Variants in KLHL29 observed in about 807,000 individuals in gnomAD.
KLHL29 encodes the protein kelch-like protein 29.
KLHL29 carries 21 observed loss-of-function variants against 80.4 expected under a neutral mutation model. That is an observed-to-expected ratio of 0.26 (90% CI 0.19 to 0.38). The LOEUF is 0.38. Ranked by LOEUF, KLHL29 falls within the 10% of genes least tolerant of loss-of-function variation. The probability of loss-of-function intolerance (pLI) is 1.00; values close to 1 mark genes in which losing one functional copy is unlikely to be tolerated. For synonymous variants in KLHL29, 511 were observed against 526.8 expected (o/e 0.97, Z 0.41); for missense variants, 867 against 1,223.9 (o/e 0.71, Z 4.35).
chr2:23,615,773 G>A lies in KLHL29; in HGVS notation c.286-23366G>A, dbSNP rs561962689. Among the ~76,000 whole-genome samples the A allele has an allele frequency of 2.6e-5, 4 of 152,296 alleles. No individual in the cohort carries two copies. The East Asian group carries it at 5.8e-4, about 22-fold the overall frequency. ...TAGGGTCACTGCGTGGACACAGACCGTGCTGAGGATGTCAGATTAGAGTGA... is the reference window on the plus strand; with the variant it reads ...TAGGGTCACTGCGTGGACACAGACCATGCTGAGGATGTCAGATTAGAGTGA... On this transcript the variant is annotated intron_variant, in intron 3 of 13. Transcript: ENST00000486442.
chr2:23,634,400 A>G (rs1221934290), intron 3 of KLHL29, among the ~76,000 whole-genome samples: 1 of 152,158 alleles, frequency 6.6e-6, no homozygotes, highest in African/African-American at 2.4e-5. Flanking sequence ...GTCCTTTGGC[A>G]GTGACTTGGG....
intron 1 of KLHL29, among the ~76,000 whole-genome samples, chr2:23,410,073 G>A (rs1666825417): frequency 6.6e-6 from 1 of 152,188 alleles, no homozygotes; most frequent in African/African-American, 2.4e-5. Context: ...GGCGGAGAGT[G>A]GAGAATTAGG....
chr2:23,696,191 C>G lies in KLHL29; in HGVS notation c.1924+58C>G. 6.6e-7 allele frequency: 1 copy of G among 1,516,302 alleles called. No homozygotes were observed. The highest frequency in any genetic ancestry group is 8.9e-7 in the Non-Finnish European group (1 of 1,122,416). The allele number at this position is 1,516,302 out of a possible 1,614,324, so 93.9% of individuals were successfully genotyped here. A position where few individuals can be genotyped will look rare whatever the true frequency, so the allele number is the denominator to read the frequency against. On this transcript the variant is annotated intron_variant, in intron 10 of 13. Coordinates refer to ENST00000486442, the MANE Select transcript of KLHL29 (RefSeq NM_052920.2). This position sits in a 1 kb window ranked among gnomAD's most constrained non-coding sequence, Gnocchi z 5.5. ...CATGGGGGTCCCAAGGGGACTGCTC[C>G]CCACGTCAGGGCTGAGGAAGGCCAT...
chr2:23,527,261 C>T (rs985487408), intron 2 of KLHL29, among the ~76,000 whole-genome samples: 3 of 152,208 alleles, frequency 2.0e-5, no homozygotes, highest in African/African-American at 7.2e-5. Context: ...TCCTTAAATG[C>T]GACCTGCTTC....
intron 1 of KLHL29, among the ~76,000 whole-genome samples, chr2:23,418,087 G>A (rs1412463950): frequency 6.6e-6 from 1 of 152,222 alleles, no homozygotes; most frequent in African/African-American, 2.4e-5. Flanking sequence ...TAGACACGCT[G>A]TAAGTGTTTG....
At chr2:23,487,306 G>A (rs1425081605) in intron 2 of KLHL29, among the ~76,000 whole-genome samples, 1 of 152,204 alleles carries the variant, frequency 6.6e-6, no homozygotes, top group Non-Finnish European at 1.5e-5. Context: ...TTCTAGTGGT[G>A]TTTGGAGGCC....
At chr2:23,556,715 C>T (rs1283054093) in intron 2 of KLHL29, among the ~76,000 whole-genome samples, 1 of 151,978 alleles carries the variant, frequency 6.6e-6, no homozygotes, top group Non-Finnish European at 1.5e-5. Context: ...TCCTGGCCAG[C>T]ATCGGCTTTG....
In KLHL29 at chr2:23,706,868, C is replaced by T. The variant is rs776650439; in HGVS notation, c.*204C>T. ...GAAACGGAGGCACCGCGCTTGGAGC[C>T]GCAGGAACCACGATCCCGCCATGGG... On this transcript the variant is annotated 3_prime_UTR_variant, in exon 14 of 14. Transcript: ENST00000486442. 3 of 487,060 alleles carry T rather than the reference C, an allele frequency of 6.2e-6. No individual in the cohort carries two copies. Among genetic ancestry groups the T allele is most frequent in the Non-Finnish European group, 1.1e-5 (3 of 283,748 alleles). The allele number at this position is 487,060 out of a possible 1,614,324, so 30.2% of individuals were successfully genotyped here. A position where few individuals can be genotyped will look rare whatever the true frequency, so the allele number is the denominator to read the frequency against.
chr2:23,387,879 T>C (rs1052426522), intron 1 of KLHL29, among the ~76,000 whole-genome samples: 23 of 152,232 alleles, frequency 1.5e-4, no homozygotes, highest in African/African-American at 5.1e-4. Flanking sequence ...TATGGGCTGA[T>C]GCATCTAACC....
intron 2 of KLHL29, among the ~76,000 whole-genome samples, chr2:23,512,617 T>G (rs942842318): frequency 3.3e-5 from 5 of 152,256 alleles, no homozygotes; most frequent in African/African-American, 1.2e-4. Context: ...GCGAATTTAC[T>G]TCAAACAAGA....
At chr2:23,438,968 A>C (rs1663429132) in intron 1 of KLHL29, among the ~76,000 whole-genome samples, 1 of 146,242 alleles carries the variant, frequency 6.8e-6, no homozygotes, top group African/African-American at 2.6e-5. Flanking sequence ...TAAGCTATTG[A>C]TTATTGCCAC....
At chr2:23,530,082 A>G (rs562430107) in intron 2 of KLHL29, among the ~76,000 whole-genome samples, 2 of 152,130 alleles carry the variant, frequency 1.3e-5, no homozygotes, top group African/African-American at 4.8e-5. Context: ...TATTACCCCC[A>G]TTTAAGGGAT....
intron 1 of KLHL29, among the ~76,000 whole-genome samples, chr2:23,423,303 G>A (rs1472793365): frequency 1.3e-5 from 2 of 152,232 alleles, no homozygotes; most frequent in Admixed American, 6.5e-5. Context: ...GGTCAGCCTG[G>A]CCGACTGACC....
At chr2:23,412,612 A>G (rs1666891438) in intron 1 of KLHL29, among the ~76,000 whole-genome samples, 1 of 152,202 alleles carries the variant, frequency 6.6e-6, no homozygotes, top group South Asian at 2.1e-4. Context: ...AGCTGGGGAC[A>G]GAGCTGTGAG....
At chr2:23,456,362 C>G (rs1664049991) in intron 1 of KLHL29, among the ~76,000 whole-genome samples, 2 of 152,218 alleles carry the variant, frequency 1.3e-5, no homozygotes, top group Admixed American at 1.3e-4. Flanking sequence ...CCAGCATGCT[C>G]CCCATAGCAG....
chr2:23,490,605 A>T (rs4665600), intron 2 of KLHL29, among the ~76,000 whole-genome samples: 43,838 of 152,132 alleles, frequency 0.29, 7,556 homozygotes, highest in Admixed American at 0.44. Context: ...ATGGGGGAAA[A>T]AACCCACCTA....
rs1456973055 is a variant in KLHL29 at position 23,696,426 on chromosome 2, G to A, written c.2018G>A (p.Arg673His). 6.4e-7 allele frequency: 1 copy of A among 1,551,274 alleles called. No individual in the cohort carries two copies. The highest frequency in any genetic ancestry group is 8.7e-7 in the Non-Finnish European group (1 of 1,146,856). ...CTCGTCTCCAGAATGACAGTCCCCC[G>A]CTGTCGGCACAATAGCCTCGTCTAC... ...WNLVSRMTVP[R>H]CRHNSLVYDG... Residue 673 changes from arginine (R) to histidine (H), a missense_variant, in exon 11 of 14, where the codon CGC becomes CAC. Around this residue, in one of 2 missense-constraint regions of KLHL29, gnomAD observed 443 missense variants for 767.0 expected, o/e 0.58. Coordinates refer to ENST00000486442, the MANE Select transcript of KLHL29 (RefSeq NM_052920.2). This position sits in a 1 kb window ranked among gnomAD's most constrained non-coding sequence, Gnocchi z 5.5.
intron 3 of KLHL29, among the ~76,000 whole-genome samples, chr2:23,570,474 A>G (rs1313213806): frequency 6.6e-6 from 1 of 152,138 alleles, no homozygotes; most frequent in Non-Finnish European, 1.5e-5. Context: ...CCCTTGCTAG[A>G]CCTGCTCCCC....
chr2:23,643,181 C>G (rs1253349460), intron 5 of KLHL29: 2 of 491,184 alleles, frequency 4.1e-6, no homozygotes, highest in Non-Finnish European at 7.6e-6. Context: ...CCAGGCCAAG[C>G]TGCAAAAGGG....
Sources: gnomAD v4.1 joint callset for allele counts (sites outside exome capture counted in the v4.1 genomes callset) on GRCh38, gnomAD v4.1.1 for gene constraint, gnomAD v4.1.1 regional missense constraint, Gnocchi (gnomAD v3.1) non-coding constraint, MANE v1.5 for transcripts, NCBI Gene and HGNC (gene_info 2026-07-23, HGNC 2026-07-21) for gene names.